Variants in DRC11 observed in about 807,000 individuals in gnomAD.
DRC11 encodes dynein regulatory complex subunit 11, also known as IQ and AAA domain-containing protein 1.
the DRC11 span, among the ~76,000 whole-genome samples, chr2:236,337,411 C>T: frequency 3.3e-5 from 5 of 152,202 alleles, no homozygotes; most frequent in Admixed American, 6.5e-5. The surrounding 1 kb of genome is among the most constrained non-coding windows in gnomAD (Gnocchi z 4.9). Flanking sequence ...CTGCCACTGC[C>T]GCCAACACCC....
At chr2:236,413,882 G>A in the DRC11 span, among the ~76,000 whole-genome samples, 1 of 152,164 alleles carries the variant, frequency 6.6e-6, no homozygotes, top group Non-Finnish European at 1.5e-5. This position sits in a 1 kb window ranked among gnomAD's most constrained non-coding sequence, Gnocchi z 4.0. Flanking sequence ...TGCGACTTTT[G>A]TTTCTAAAGC....
At chr2:236,346,094 T>A in the DRC11 span, among the ~76,000 whole-genome samples, 2 of 151,992 alleles carry the variant, frequency 1.3e-5, no homozygotes, top group Non-Finnish European at 2.9e-5. Flanking sequence ...GAGAAAAGAG[T>A]GCCAGCCAAG....
At chr2:236,320,821 T>C in the DRC11 span, among the ~76,000 whole-genome samples, 2 of 130,564 alleles carry the variant, frequency 1.5e-5, no homozygotes, top group Admixed American at 7.6e-5. Context: ...CCTCCGCCGG[T>C]CCCTCCGCCG....
chr2:236,317,034 G>A, the DRC11 span, among the ~76,000 whole-genome samples: 1 of 152,186 alleles, frequency 6.6e-6, no homozygotes, highest in African/African-American at 2.4e-5. This position sits in a 1 kb window ranked among gnomAD's most constrained non-coding sequence, Gnocchi z 5.4. Context: ...GGTGGCTCAC[G>A]CCTGTAATCC....
chr2:236,355,798 TTGTC>T, the DRC11 span, among the ~76,000 whole-genome samples: 5 of 152,054 alleles, frequency 3.3e-5, no homozygotes, highest in Admixed American at 6.5e-5. Context: ...AGCAATGTCT[TTGTC>T]TGGGTTATTA....
chr2:236,453,621 T>C, the DRC11 span, among the ~76,000 whole-genome samples: 1 of 152,142 alleles, frequency 6.6e-6, no homozygotes, highest in Non-Finnish European at 1.5e-5. The surrounding 1 kb of genome is among the most constrained non-coding windows in gnomAD (Gnocchi z 4.9). Context: ...GTCCTCCACT[T>C]TCCCAGGATA....
At chr2:236,321,998 G>A in the DRC11 span, among the ~76,000 whole-genome samples, 1 of 152,080 alleles carries the variant, frequency 6.6e-6, no homozygotes. Context: ...GCCTGCAGCT[G>A]CAGGAAGATA....
chr2:236,383,678 T>C, the DRC11 span, among the ~76,000 whole-genome samples: 1 of 151,598 alleles, frequency 6.6e-6, no homozygotes, highest in African/African-American at 2.4e-5. Flanking sequence ...TTTTTTTTTA[T>C]TATACTTTAA....
chr2:236,464,941 G>A, the DRC11 span, among the ~76,000 whole-genome samples: 3 of 152,192 alleles, frequency 2.0e-5, no homozygotes, highest in Non-Finnish European at 2.9e-5. Flanking sequence ...GCAAACAGGA[G>A]CAGATACCAG....
the DRC11 span, among the ~76,000 whole-genome samples, chr2:236,464,946 T>C: frequency 6.6e-6 from 1 of 152,222 alleles, no homozygotes; most frequent in Non-Finnish European, 1.5e-5. Context: ...CAGGAGCAGA[T>C]ACCAGCATCA....
chr2:236,453,375 T>C, the DRC11 span, among the ~76,000 whole-genome samples: 9 of 152,348 alleles, frequency 5.9e-5, no homozygotes, highest in South Asian at 2.1e-4. This position sits in a 1 kb window ranked among gnomAD's most constrained non-coding sequence, Gnocchi z 4.9. Flanking sequence ...ATATCTATCA[T>C]ATTTATGAAA....
At chr2:236,447,608 T>C in the DRC11 span, among the ~76,000 whole-genome samples, 1 of 152,222 alleles carries the variant, frequency 6.6e-6, no homozygotes, top group African/African-American at 2.4e-5. This position sits in a 1 kb window ranked among gnomAD's most constrained non-coding sequence, Gnocchi z 4.6. Context: ...CTGAGAAACC[T>C]ACAACGGTCT....
chr2:236,457,799 G>A, the DRC11 span, among the ~76,000 whole-genome samples: 3,311 of 152,298 alleles, frequency 0.022, 184 homozygotes, highest in East Asian at 0.15. The surrounding 1 kb of genome is among the most constrained non-coding windows in gnomAD (Gnocchi z 4.7). Flanking sequence ...AGCTGGCAGA[G>A]GCAAGGAAGG....
At chr2:236,371,553 C>T in the DRC11 span, among the ~76,000 whole-genome samples, 4 of 152,128 alleles carry the variant, frequency 2.6e-5, no homozygotes, top group Admixed American at 6.5e-5. This position sits in a 1 kb window ranked among gnomAD's most constrained non-coding sequence, Gnocchi z 5.1. Flanking sequence ...TCTGCAATGC[C>T]GTGTTGTCAG....
the DRC11 span, among the ~76,000 whole-genome samples, chr2:236,335,965 A>G: frequency 6.6e-6 from 1 of 152,066 alleles, no homozygotes; most frequent in Non-Finnish European, 1.5e-5. This position sits in a 1 kb window ranked among gnomAD's most constrained non-coding sequence, Gnocchi z 5.6. Context: ...GCTGGAGGAA[A>G]TGTTGGCTTC....
the DRC11 span, among the ~76,000 whole-genome samples, chr2:236,507,054 G>T: frequency 2.0e-5 from 3 of 152,096 alleles, no homozygotes; most frequent in Non-Finnish European, 4.4e-5. Context: ...CTAAGTGTAT[G>T]ATTTTCCTTG....
chr2:236,419,143 T>C, the DRC11 span: 2 of 1,516,622 alleles, frequency 1.3e-6, no homozygotes, highest in African/African-American at 2.8e-5. This position sits in a 1 kb window ranked among gnomAD's most constrained non-coding sequence, Gnocchi z 4.8. Context: ...CATACAAATA[T>C]TTTACCTTAT....
the DRC11 span, among the ~76,000 whole-genome samples, chr2:236,357,952 A>AATAT: frequency 1.2e-4 from 12 of 99,482 alleles, no homozygotes; most frequent in Middle Eastern, 0.013. Context: ...ATAATATATA[A>AATAT]ATATATATAA....
the DRC11 span, among the ~76,000 whole-genome samples, chr2:236,469,269 G>A: frequency 2.6e-5 from 4 of 152,232 alleles, no homozygotes; most frequent in Admixed American, 2.0e-4. This position sits in a 1 kb window ranked among gnomAD's most constrained non-coding sequence, Gnocchi z 5.8. Context: ...GCAGTGGCGC[G>A]ATCTCAGCTC....
Sources: gnomAD v4.1 joint callset for allele counts (sites outside exome capture counted in the v4.1 genomes callset) on GRCh38, gnomAD v4.1.1 for gene constraint, Gnocchi (gnomAD v3.1) non-coding constraint, MANE v1.5 for transcripts, NCBI Gene and HGNC (gene_info 2026-07-23, HGNC 2026-07-21) for gene names.